The following EPHA3 variants were observed in gnomAD, a reference collection of about 807,000 sequenced individuals.
The protein encoded by EPHA3 is EPH receptor A3.
In EPHA3, 42 loss-of-function variants were observed where a neutral mutation model predicts 107.1. The ratio of observed to expected loss-of-function variants is 0.39; its 90% confidence interval spans 0.31 to 0.51. EPHA3 has a LOEUF of 0.51. EPHA3 is among the 20% of genes least tolerant of loss of function. EPHA3 has a pLI of 0.78. For synonymous variants in EPHA3, 461 were observed against 424.8 expected (o/e 1.09, Z -1.05); for missense variants, 1,183 against 1,211.2 (o/e 0.98, Z 0.35).
intron 3 of EPHA3, among the ~76,000 whole-genome samples, chr3:89,263,110 T>C (rs542207731): frequency 6.6e-6 from 1 of 151,918 alleles, no homozygotes; most frequent in African/African-American, 2.4e-5. Flanking sequence ...GTATTTCTCC[T>C]AATGCTACCT....
At position 89,479,508 on chromosome 3, in the gene EPHA3, G is replaced by A. The variant is rs199509777; in HGVS notation, c.*6G>A. 82 of 1,607,560 alleles carry A rather than the reference G, an allele frequency of 5.1e-5. No homozygotes were observed. Among genetic ancestry groups the A allele is most frequent in the Non-Finnish European group, 6.7e-5 (79 of 1,174,260 alleles). On this transcript the variant is annotated 3_prime_UTR_variant, in exon 17 of 17. Transcript: ENST00000336596. The stretch of plus-strand genomic sequence containing the variant: ...ATGGCCCAGTTCCCGTGTAAAGCAC[G>A]GGACGGAAGTGCTTCTGGACGGAAG...
At chr3:89,130,202 G>A (rs953005636) in intron 2 of EPHA3, among the ~76,000 whole-genome samples, 3 of 152,216 alleles carry the variant, frequency 2.0e-5, no homozygotes, top group Non-Finnish European at 4.4e-5. Flanking sequence ...GAACATGGCA[G>A]CCCCTAAAAA....
intron 3 of EPHA3, among the ~76,000 whole-genome samples, chr3:89,289,244 G>A (rs12486528): frequency 0.27 from 40,691 of 151,946 alleles, 6,985 homozygotes; most frequent in African/African-American, 0.49. Flanking sequence ...CAGCGTGGAG[G>A]ATCTCAGCTA....
chr3:89,349,615 C>A (rs1193010165), intron 5 of EPHA3, among the ~76,000 whole-genome samples: 3 of 140,270 alleles, frequency 2.1e-5, no homozygotes, highest in Non-Finnish European at 3.1e-5. Flanking sequence ...AGTCCATTTA[C>A]ATTTAAAGTT....
At chr3:89,281,180 C>T (rs1189820810) in intron 3 of EPHA3, among the ~76,000 whole-genome samples, 3 of 152,082 alleles carry the variant, frequency 2.0e-5, no homozygotes, top group Non-Finnish European at 2.9e-5. Flanking sequence ...CACGCCGCCA[C>T]GCCCGGCTAA....
chr3:89,398,710 A>G (rs923141755), intron 6 of EPHA3, among the ~76,000 whole-genome samples: 19 of 152,234 alleles, frequency 1.2e-4, no homozygotes, highest in African/African-American at 4.3e-4. Context: ...CTTGACTTTG[A>G]AGAGAACATA....
chr3:89,207,987 G>C (rs1465710567), intron 2 of EPHA3, among the ~76,000 whole-genome samples: 1 of 152,064 alleles, frequency 6.6e-6, no homozygotes, highest in African/African-American at 2.4e-5. Context: ...ATTCAATAAG[G>C]GTTCTATAAT....
chr3:89,383,570 A>C (rs1031275090), intron 5 of EPHA3, among the ~76,000 whole-genome samples: 2 of 150,654 alleles, frequency 1.3e-5, no homozygotes, highest in African/African-American at 4.9e-5. Context: ...TTATGACCTC[A>C]GCAGTGCTTT....
chr3:89,224,898 GC>G (rs1704466601), intron 3 of EPHA3, among the ~76,000 whole-genome samples: 1 of 151,508 alleles, frequency 6.6e-6, no homozygotes, highest in African/African-American at 2.4e-5. Flanking sequence ...AAAATAAAAA[GC>G]ATACACTTTC....
At chr3:89,256,352 G>A (rs1461924254) in intron 3 of EPHA3, among the ~76,000 whole-genome samples, 7 of 151,882 alleles carry the variant, frequency 4.6e-5, no homozygotes, top group Non-Finnish European at 4.4e-5. Context: ...TTCAAGACCA[G>A]TGTGGACAAG....
chr3:89,211,815 C>G (rs1447332024), intron 3 of EPHA3, among the ~76,000 whole-genome samples: 1 of 101,494 alleles, frequency 9.9e-6, no homozygotes, highest in Admixed American at 9.5e-5. Context: ...TCTTCTTCTT[C>G]TTCTCCTTCT....
At position 89,399,448 on chromosome 3, in the gene EPHA3, G is replaced by A. The variant is rs552884651; in HGVS notation, c.1562G>A (p.Ser521Asn). ...ACAGCCGCTGGATATGGGACGAACA[G>A]CCGCAAGTTTGAGTTTGAAACTAGT... ...ARTAAGYGTN[S>N]RKFEFETSPD... Residue 521 changes from serine to asparagine, a missense_variant, in exon 7 of 17, where the codon AGC (serine) becomes AAC (asparagine). Transcript: ENST00000336596. The A allele has an allele frequency of 4.0e-5, 65 of 1,614,100 alleles. No individual in the cohort carries two copies. In the South Asian group the frequency reaches 6.6e-4, roughly 16 times the overall value.
rs1473800664 is a variant in EPHA3 at position 89,395,861 on chromosome 3, A to T, written c.1331A>T (p.Lys444Met). The change falls in exon 6 of 17, where the codon AAG (lysine) becomes ATG (methionine). Residue 444 changes from lysine to methionine, a missense_variant. Lys to Met is a moderately conservative substitution (Grantham distance 95). Coordinates refer to ENST00000336596, the MANE Select transcript of EPHA3 (RefSeq NM_005233.6). ...GCTCCATCACCTGTCCTGACGATTA[A>T]GAAAGATCGGACCTCCAGAAATAGC... ...QAAPSPVLTI[K>M]KDRTSRNSIS... 1.9e-6 allele frequency: 3 copies of T among 1,614,054 alleles called. No homozygotes were observed. Among genetic ancestry groups the T allele is most frequent in the Non-Finnish European group, 2.5e-6 (3 of 1,179,952 alleles).
At chr3:89,436,969 G>C (rs1353782228) in intron 13 of EPHA3, among the ~76,000 whole-genome samples, 1 of 152,142 alleles carries the variant, frequency 6.6e-6, no homozygotes, top group East Asian at 1.9e-4. Flanking sequence ...GTGTTACGCA[G>C]AAATTGCAAA....
chr3:89,370,706 AT>A (rs1173056142), intron 5 of EPHA3, among the ~76,000 whole-genome samples: 3 of 151,746 alleles, frequency 2.0e-5, no homozygotes, highest in South Asian at 2.1e-4. Context: ...AGACAAAAAA[AT>A]AAAATAAAAT....
chr3:89,268,913 A>T (rs1173240558), intron 3 of EPHA3, among the ~76,000 whole-genome samples: 1 of 151,892 alleles, frequency 6.6e-6, no homozygotes, highest in Non-Finnish European at 1.5e-5. Flanking sequence ...GAAAAAAAAA[A>T]CAACCTCAGG....
intron 3 of EPHA3, among the ~76,000 whole-genome samples, chr3:89,234,658 ATTTCTTCC>A (rs1005325107): frequency 5.9e-5 from 9 of 151,676 alleles, no homozygotes; most frequent in Admixed American, 3.9e-4. Context: ...GAGGGGATTT[ATTTCTTCC>A]TTTCTTCCTT....
At chr3:89,348,087 G>A (rs1437929803) in intron 5 of EPHA3, among the ~76,000 whole-genome samples, 1 of 148,946 alleles carries the variant, frequency 6.7e-6, no homozygotes, top group African/African-American at 2.5e-5. Context: ...TTTTTTGGTT[G>A]TATCTCTGCC....
chr3:89,228,142 A>G (rs1222190177), intron 3 of EPHA3, among the ~76,000 whole-genome samples: 2 of 151,942 alleles, frequency 1.3e-5, no homozygotes, highest in African/African-American at 4.8e-5. Flanking sequence ...CTCCCCAGAT[A>G]AAATGCCTAC....
Sources: allele counts gnomAD v4.1 joint callset (sites outside exome capture counted in the v4.1 genomes callset), GRCh38; gene constraint gnomAD v4.1.1; transcripts MANE v1.5; gene names NCBI Gene and HGNC (gene_info 2026-07-23, HGNC 2026-07-21).